The following SAV1 variants were observed in gnomAD, a reference collection of about 807,000 sequenced individuals.
The protein encoded by SAV1 is protein salvador homolog 1.
Under a neutral mutation model 47.3 loss-of-function variants are expected in SAV1, and 23 were observed. That is an observed-to-expected ratio of 0.49 (90% CI 0.35 to 0.69). SAV1 has a LOEUF of 0.69. Among genes scored for constraint, SAV1 ranks in the 30% least tolerant of loss-of-function variants. The probability of loss-of-function intolerance (pLI) is 0.01; values close to 1 mark genes in which losing one functional copy is unlikely to be tolerated. For missense variants in SAV1, 448 were observed against 457.4 expected, an observed-to-expected ratio of 0.98 and a Z score of 0.19; for synonymous variants, 155 against 159.2, an observed-to-expected ratio of 0.97 and a Z score of 0.20.
At chr14:50,641,795 C>T (rs1459485566) in intron 3 of SAV1, among the ~76,000 whole-genome samples, 1 of 152,172 alleles carries the variant, frequency 6.6e-6, no homozygotes, top group Admixed American at 6.5e-5. Flanking sequence ...CAGTGGAAAG[C>T]AGTTGGGAGA....
At chr14:50,667,318 C>A in intron 1 of SAV1, 1 of 407,348 alleles carries the variant, frequency 2.5e-6, no homozygotes. Context: ...TGGCTCTCTG[C>A]TCTGCTGTGT....
Position 50,665,363 on chromosome 14 carries a change from T to C in SAV1, c.351A>G (p.Val117=). ...PREYGSSQSF[V]TEVSFAVENG... ...TTTCAACAGCAAAACTAACTTCCGT[T>C]ACAAATGACTGAGAAGAACCATACT... The change falls in exon 2 of 5, where the codon GTA becomes GTG. Residue 117 remains valine, a synonymous_variant. Transcript: ENST00000324679. 6.2e-7 allele frequency: 1 copy of C among 1,612,414 alleles called. No homozygotes were observed. Among genetic ancestry groups the C allele is most frequent in the Non-Finnish European group, 8.5e-7 (1 of 1,178,964 alleles).
chr14:50,664,729 T>A (rs922875885), intron 2 of SAV1: 1 of 152,864 alleles, frequency 6.5e-6, no homozygotes, highest in Non-Finnish European at 1.5e-5. Context: ...AGCGAAGTAA[T>A]GTGGTTGCTC....
rs947219355 is a variant in SAV1 at position 50,644,939 on chromosome 14, C to A, written c.611G>T (p.Gly204Val). Reference protein sequence around the residue: ...HGSEDLPLPPGWSVDWTMRGR... With the variant: ...HGSEDLPLPPVWSVDWTMRGR... ...TCTCATTGTCCAGTCCACAGACCAG[C>A]CAGGAGGAAGGGGTAAATCTTCAGA... Residue 204 changes from glycine (G) to valine (V), a missense_variant, in exon 3 of 5, where the codon GGC becomes GTC. Physicochemically the swap from Gly to Val is moderately radical, Grantham distance 109 (BLOSUM62 -3). Coordinates refer to ENST00000324679, the MANE Select transcript of SAV1 (RefSeq NM_021818.4). The A allele has an allele frequency of 8.1e-6, 13 of 1,613,676 alleles. No individual in the cohort carries two copies. Among genetic ancestry groups the A allele is most frequent in the Non-Finnish European group, 1.1e-5 (13 of 1,179,900 alleles).
intron 2 of SAV1, among the ~76,000 whole-genome samples, chr14:50,661,646 C>T (rs1239702946): frequency 6.6e-6 from 1 of 152,166 alleles, no homozygotes; most frequent in East Asian, 1.9e-4. Flanking sequence ...CATTCTTCTG[C>T]ATGTGGATAT....
At chr14:50,653,370 A>G (rs767704293) in intron 2 of SAV1, among the ~76,000 whole-genome samples, 1 of 152,240 alleles carries the variant, frequency 6.6e-6, no homozygotes, top group African/African-American at 2.4e-5. Context: ...CTTCTTTCCT[A>G]TATGAACAGC....
intron 2 of SAV1, among the ~76,000 whole-genome samples, chr14:50,661,431 A>C (rs1481477042): frequency 1.3e-5 from 2 of 152,190 alleles, no homozygotes; most frequent in Non-Finnish European, 2.9e-5. Context: ...TTTACTGTGC[A>C]GACGCCTTTT....
At chr14:50,666,308 A>G (rs1638867618) in intron 1 of SAV1, among the ~76,000 whole-genome samples, 1 of 152,236 alleles carries the variant, frequency 6.6e-6, no homozygotes, top group African/African-American at 2.4e-5. Flanking sequence ...ATAATTCAAA[A>G]TAGTAGATAA....
At chr14:50,645,498 T>C (rs895286011) in intron 2 of SAV1, among the ~76,000 whole-genome samples, 2 of 152,092 alleles carry the variant, frequency 1.3e-5, no homozygotes, top group African/African-American at 4.8e-5. Flanking sequence ...ATATGAAATA[T>C]AAATGAATTT....
In SAV1 at chr14:50,667,436, A is replaced by T. The variant is rs1382922834; in HGVS notation, c.94+438T>A. On this transcript the variant is annotated intron_variant, in intron 1 of 4. Coordinates refer to ENST00000324679, the MANE Select transcript of SAV1 (RefSeq NM_021818.4). ...TAAGGAATTCTGCCCCAGAGTTCGCACAACTTGCAGCACAGTCGAGAGACA... is the reference window on the plus strand; with the variant it reads ...TAAGGAATTCTGCCCCAGAGTTCGCTCAACTTGCAGCACAGTCGAGAGACA... The T allele has an allele frequency of 9.0e-5, 41 of 456,398 alleles. No homozygotes were observed. In the Admixed American group the frequency reaches 9.4e-4, roughly 10 times the overall value. The allele number at this position is 456,398 out of a possible 1,614,324, so 28.3% of individuals were successfully genotyped here.
intron 2 of SAV1, among the ~76,000 whole-genome samples, chr14:50,651,406 CAG>C (rs1363102423): frequency 6.6e-6 from 1 of 152,032 alleles, no homozygotes; most frequent in East Asian, 1.9e-4. Context: ...TGGAAGAGGA[CAG>C]GGGTAGAATT....
chr14:50,645,265 C>A (rs2039712675), intron 2 of SAV1, among the ~76,000 whole-genome samples: 1 of 152,012 alleles, frequency 6.6e-6, no homozygotes, highest in South Asian at 2.1e-4. Context: ...ACAGGCCATA[C>A]AAACACTTAA....
At chr14:50,656,683 C>A (rs915854348) in intron 2 of SAV1, among the ~76,000 whole-genome samples, 2 of 152,142 alleles carry the variant, frequency 1.3e-5, no homozygotes, top group Admixed American at 1.3e-4. Flanking sequence ...ACCTCATGAT[C>A]CGCCCGTCTC....
At chr14:50,657,371 C>T (rs975298605) in intron 2 of SAV1, among the ~76,000 whole-genome samples, 3 of 152,144 alleles carry the variant, frequency 2.0e-5, no homozygotes, top group African/African-American at 7.2e-5. Context: ...CAGCTCTTTC[C>T]ATATGTCTTA....
chr14:50,665,315 A>G lies in SAV1; in HGVS notation c.399T>C (p.Tyr133=). ...CATCAAAAAAATTGTCTGAATAATA[A>G]TATCGGGAACCAGAGTCTCCATTTT... ...AVENGDSGSR[Y]YYSDNFFDGQ... Residue 133 remains tyrosine, a synonymous_variant, in exon 2 of 5, where the codon TAT becomes TAC. Coordinates refer to ENST00000324679, the MANE Select transcript of SAV1 (RefSeq NM_021818.4). The G allele has an allele frequency of 6.2e-7, 1 of 1,613,832 alleles. No individual in the cohort carries two copies. The highest frequency in any genetic ancestry group is 8.5e-7 in the Non-Finnish European group (1 of 1,179,788).
chr14:50,646,311 T>C (rs557742192), intron 2 of SAV1, among the ~76,000 whole-genome samples: 36 of 152,334 alleles, frequency 2.4e-4, no homozygotes, highest in African/African-American at 8.2e-4. Flanking sequence ...ACCATATTCA[T>C]CAATTTTCAG....
At chr14:50,667,848 G>A in intron 1 of SAV1, 26 bp downstream of exon 1, 2 of 1,605,806 alleles carry the variant, frequency 1.2e-6, no homozygotes, top group Non-Finnish European at 1.7e-6. Context: ...TGGGCCAGGT[G>A]TGGGCACGCC....
At chr14:50,661,939 T>C (rs1343272888) in intron 2 of SAV1, among the ~76,000 whole-genome samples, 4 of 152,162 alleles carry the variant, frequency 2.6e-5, no homozygotes, top group Admixed American at 6.5e-5. Flanking sequence ...CAGGATTACT[T>C]TGGGTATTTG....
At chr14:50,650,135 T>C (rs4901046) in intron 2 of SAV1, among the ~76,000 whole-genome samples, 10,292 of 152,302 alleles carry the variant, frequency 0.068, 660 homozygotes, top group African/African-American at 0.17. Context: ...TGTAAGTGTA[T>C]GGATAAATAC....
Sources: allele counts gnomAD v4.1 joint callset (sites outside exome capture counted in the v4.1 genomes callset), GRCh38; gene constraint gnomAD v4.1.1; transcripts MANE v1.5; gene names NCBI Gene and HGNC (gene_info 2026-07-23, HGNC 2026-07-21).